KLHDC9: variants seen among roughly 807,000 people sequenced by gnomAD.
KLHDC9 encodes the protein kelch domain containing 9, also known as kelch domain-containing protein 9.
Under a neutral mutation model 31.5 loss-of-function variants are expected in KLHDC9, and 26 were observed. The observed-to-expected ratio is 0.83, with a 90% confidence interval of 0.61 to 1.15. KLHDC9 has a LOEUF of 1.15. KLHDC9 is among the 50% of genes most tolerant of loss of function. The pLI, the probability that KLHDC9 is intolerant of heterozygous loss-of-function variation, is 0.00. For missense variants in KLHDC9, 437 were observed against 467.7 expected (o/e 0.93, Z 0.61); for synonymous variants, 176 against 184.7 (o/e 0.95, Z 0.38).
chr1:161,099,352 G>GA lies in KLHDC9; in HGVS notation c.534_535insA (p.Gln179ThrfsTer38). On this transcript the variant is annotated frameshift_variant, in exon 2 of 4. Coordinates refer to ENST00000368011, the MANE Select transcript of KLHDC9 (RefSeq NM_152366.5). LOFTEE classifies it high-confidence loss of function. ...AATTTCTGCATGTCCACAGCTACAA[G>GA]CAAGAAGGCTGCCACACAGCCTCAC... The GA allele has an allele frequency of 6.2e-7, 1 of 1,614,192 alleles. No individual in the cohort carries two copies. The highest frequency in any genetic ancestry group is 8.5e-7 in the Non-Finnish European group (1 of 1,180,040).
In KLHDC9 at chr1:161,100,066, TCTC is replaced by T. The variant is rs762151809; in HGVS notation, c.898_900del (p.Pro300del). ...CCTCTGCCCGTATCCAACAGGCACA[TCTC>T]CTCCTTTGTGGTTCCACTTCCCCTG... is the stretch of plus-strand genomic sequence containing the variant. On this transcript the variant is annotated inframe_deletion, in exon 4 of 4. Transcript: ENST00000368011. The T allele has an allele frequency of 5.6e-6, 9 of 1,614,208 alleles. No homozygotes were observed. The highest frequency in any genetic ancestry group is 1.3e-5 in the African/African-American group (1 of 75,058).
rs1273661857 is a variant in KLHDC9, at chr1:161,098,962, C to T, written c.427C>T (p.Arg143Ter). 1 of 1,588,398 alleles carries T rather than the reference C, an allele frequency of 6.3e-7. No homozygotes were observed. The highest frequency in any genetic ancestry group is 8.5e-7 in the Non-Finnish European group (1 of 1,174,054). Residue 143 changes from arginine to a stop codon, truncating the protein, a stop_gained, in exon 1 of 4, where the codon CGA (arginine) becomes TGA (stop). Coordinates refer to ENST00000368011, the MANE Select transcript of KLHDC9 (RefSeq NM_152366.5). LOFTEE classifies it high-confidence loss of function. This position sits in a 1 kb window ranked among gnomAD's most constrained non-coding sequence, Gnocchi z 6.3. ...TCACACCTGCACCCGAATCTCTGAC[C>T]GAGAGCTGCAGGTGGCTGGCCGGGA... ...SSHTCTRISDRELQVAGREGG... is the reference protein window; with the variant it reads ...SSHTCTRISD
Position 161,099,050 on chromosome 1 carries a change from C to T in KLHDC9, c.515C>T (p.Ala172Val), listed in dbSNP as rs764400436. The T allele has an allele frequency of 1.3e-6, 2 of 1,596,538 alleles. No homozygotes were observed. The highest frequency in any genetic ancestry group is 1.7e-6 in the Non-Finnish European group (2 of 1,178,838). The change falls in exon 1 of 4, where the codon GCC becomes GTC. Residue 172 changes from alanine to valine, a missense_variant. Coordinates refer to ENST00000368011, the MANE Select transcript of KLHDC9 (RefSeq NM_152366.5). ...SIYTLRLDPS[A>V]RTYCYKQEGC... Reference sequence around the variant, plus strand: ...TACACATTAAGGCTGGACCCCAGCGCCCGCACCTATTGGTATGGCACCCTC... The same window carrying T: ...TACACATTAAGGCTGGACCCCAGCGTCCGCACCTATTGGTATGGCACCCTC...
rs139418163 is a variant in KLHDC9 at position 161,099,797 on chromosome 1, G to C, written c.886+1G>C. The C allele has an allele frequency of 5.9e-4, 954 of 1,612,062 alleles. No individual in the cohort carries two copies. The highest frequency in any genetic ancestry group is 9.9e-4 in the Middle Eastern group (6 of 6,054). ...AATGATCTCTACATCTATGATACTC[G>C]TGAGAGCCAGACTAATGGCTGAAGG... On this transcript the variant is annotated splice_donor_variant, in intron 3 of 3. Coordinates refer to ENST00000368011, the MANE Select transcript of KLHDC9 (RefSeq NM_152366.5). LOFTEE classifies it high-confidence loss of function.
At position 161,098,443 on chromosome 1, in the gene KLHDC9, C is replaced by A; in HGVS notation, c.-93C>A. The A allele has an allele frequency of 8.2e-7, 1 of 1,222,378 alleles. No individual in the cohort carries two copies. The highest frequency in any genetic ancestry group is 1.6e-5 in the African/African-American group (1 of 63,588). 75.7% of individuals were successfully genotyped at this position (1,222,378 alleles called of 1,614,324 possible). On this transcript the variant is annotated 5_prime_UTR_variant, in exon 1 of 4. Transcript: ENST00000368011. The surrounding 1 kb of genome is among the most constrained non-coding windows in gnomAD (Gnocchi z 6.3). ...CTGGCGTCCGGTAGGGGGAGGTTCC[C>A]GGGGAAGCCCGCGGAAGGCGAGGTG... is the stretch of plus-strand genomic sequence containing the variant.
In KLHDC9 at chr1:161,099,764, C is replaced by T. The variant is rs1654488503; in HGVS notation, c.854C>T (p.Thr285Ile). The change falls in exon 3 of 4, where the codon ACC (threonine) becomes ATC (isoleucine). Residue 285 changes from threonine (T) to isoleucine (I), a missense_variant. Physicochemically the swap from Thr to Ile is moderately conservative, Grantham distance 89 (BLOSUM62 -1). Transcript: ENST00000368011. ...GAAACTCTGACCAGAGCTAGAGACA[C>T]CATCTGCAATGATCTCTACATCTAT... is the stretch of plus-strand genomic sequence containing the variant. ...GGETLTRARD[T>I]ICNDLYIYDT... The T allele has an allele frequency of 6.2e-7, 1 of 1,613,636 alleles. No individual in the cohort carries two copies. Among genetic ancestry groups the T allele is most frequent in the Non-Finnish European group, 8.5e-7 (1 of 1,179,876 alleles).
In KLHDC9 at chr1:161,098,599, C is replaced by T. The variant is rs753499918; in HGVS notation, c.64C>T (p.Arg22Trp). 1.9e-6 allele frequency: 3 copies of T among 1,594,196 alleles called. No homozygotes were observed. Among genetic ancestry groups the T allele is most frequent in the Non-Finnish European group, 2.6e-6 (3 of 1,170,820 alleles). Residue 22 changes from arginine to tryptophan, a missense_variant, in exon 1 of 4, where the codon CGG becomes TGG. Transcript: ENST00000368011. This position sits in a 1 kb window ranked among gnomAD's most constrained non-coding sequence, Gnocchi z 6.3. The part of the protein sequence containing the change: ...GSGWAWRPVA[R>W]DALLARAFHS... ...AGGCTGGGCCTGGAGGCCAGTGGCG[C>T]GGGACGCGCTTTTGGCTAGAGCTTT...
chr1:161,098,924 C>A lies in KLHDC9; in HGVS notation c.389C>A (p.Ala130Asp). 6.4e-7 allele frequency: 1 copy of A among 1,573,184 alleles called. No individual in the cohort carries two copies. The change falls in exon 1 of 4, where the codon GCC (alanine) becomes GAC (aspartate). Residue 130 changes from alanine to aspartate, a missense_variant. Coordinates refer to ENST00000368011, the MANE Select transcript of KLHDC9 (RefSeq NM_152366.5). The surrounding 1 kb of genome is among the most constrained non-coding windows in gnomAD (Gnocchi z 6.3). ...WTGTPGDCPP[A>D]GLSSHTCTRI... ...GGGACCCCTGGTGACTGCCCCCCCG[C>A]CGGCCTCAGTAGTCACACCTGCACC...
chr1:161,100,343 T>A lies in KLHDC9; in HGVS notation c.*119T>A. The A allele has an allele frequency of 9.1e-7, 1 of 1,101,588 alleles. No homozygotes were observed. Among genetic ancestry groups the A allele is most frequent in the Non-Finnish European group, 1.3e-6 (1 of 770,806 alleles). The allele number at this position is 1,101,588 out of a possible 1,614,324, so 68.2% of individuals were successfully genotyped here. On this transcript the variant is annotated 3_prime_UTR_variant, in exon 4 of 4. Transcript: ENST00000368011. ...TGCTTATTAAATTTCAATCTGAGAC[T>A]CAAGATTTGTCTCTGAAATTTTTGG...
In KLHDC9 at chr1:161,098,836, T is replaced by G; in HGVS notation, c.301T>G (p.Ser101Ala). 1 of 1,577,332 alleles carries G rather than the reference T, an allele frequency of 6.3e-7. No individual in the cohort carries two copies. The highest frequency in any genetic ancestry group is 8.6e-7 in the Non-Finnish European group (1 of 1,161,800). ...CTGCGTGGTGGGCGGCTGGGACGGG[T>G]CTCGCCGCTTGGCCACAGTGACCGC... ...WLCVVGGWDG[S>A]RRLATVTALD... Residue 101 changes from serine to alanine, a missense_variant, in exon 1 of 4, where the codon TCT (serine) becomes GCT (alanine). By Grantham distance (99) the Ser-to-Ala change is moderately conservative. Transcript: ENST00000368011. The surrounding 1 kb of genome is among the most constrained non-coding windows in gnomAD (Gnocchi z 6.3).
chr1:161,099,254 C>T, intron 1 of KLHDC9, 92 bp from the exon 2 acceptor site: 1 of 1,482,122 alleles, frequency 6.7e-7, no homozygotes, highest in Non-Finnish European at 9.4e-7. Flanking sequence ...CCGCACTGCC[C>T]CATGCCTCTT....
Position 161,099,444 on chromosome 1 carries a change from T to C in KLHDC9, c.626T>C (p.Phe209Ser). The change falls in exon 2 of 4, where the codon TTT (phenylalanine) becomes TCT (serine). Residue 209 changes from phenylalanine to serine, a missense_variant. Phe to Ser is a radical substitution (Grantham distance 155, BLOSUM62 -2). Transcript: ENST00000368011. ...GPHPGHQLLL[F>S]GGCNLAEPEV... is the part of the protein sequence containing the mutation. Reference sequence around the variant, plus strand: ...CATCCAGGTCATCAGCTATTGCTCTTTGGAGGTTGCAACTTAGCTGAACCA... The same window carrying C: ...CATCCAGGTCATCAGCTATTGCTCTCTGGAGGTTGCAACTTAGCTGAACCA... 6.2e-7 allele frequency: 1 copy of C among 1,614,250 alleles called. No individual in the cohort carries two copies. Among genetic ancestry groups the C allele is most frequent in the Non-Finnish European group, 8.5e-7 (1 of 1,180,042 alleles).
chr1:161,099,794 C>A lies in KLHDC9; in HGVS notation c.884C>A (p.Thr295Asn). 6.2e-7 allele frequency: 1 copy of A among 1,612,024 alleles called. No individual in the cohort carries two copies. The highest frequency in any genetic ancestry group is 8.5e-7 in the Non-Finnish European group (1 of 1,178,448). Residue 295 changes from threonine to asparagine, a missense_variant and splice_region_variant, in exon 3 of 4, where the codon ACT becomes AAT. By Grantham distance (65) the Thr-to-Asn change is moderately conservative. Transcript: ENST00000368011. ...TGCAATGATCTCTACATCTATGATA[C>A]TCGTGAGAGCCAGACTAATGGCTGA... is the stretch of plus-strand genomic sequence containing the variant. ...TICNDLYIYDTRTSPPLWFHF... is the reference protein window; with the variant it reads ...TICNDLYIYDNRTSPPLWFHF...
Position 161,098,372 on chromosome 1 carries a change from T to G in KLHDC9, c.-164T>G, listed in dbSNP as rs1447925728. On this transcript the variant is annotated 5_prime_UTR_variant, in exon 1 of 4. Transcript: ENST00000368011. This position sits in a 1 kb window ranked among gnomAD's most constrained non-coding sequence, Gnocchi z 6.3. ...GCGCTGCAGCCGCTGCAGTGGTTGC[T>G]GGGCGACCACGGAGAGAAAGCCGGG... 1.6e-6 allele frequency: 1 copy of G among 629,042 alleles called. No homozygotes were observed. The highest frequency in any genetic ancestry group is 1.9e-5 in the African/African-American group (1 of 52,126). 39.0% of individuals were successfully genotyped at this position (629,042 alleles called of 1,614,324 possible).
chr1:161,099,287 C>T (rs1456079223), intron 1 of KLHDC9, 59 bp from the exon 2 acceptor site: 1 of 1,595,176 alleles, frequency 6.3e-7, no homozygotes, highest in South Asian at 1.1e-5. Flanking sequence ...TTGGCAAGGG[C>T]GGTGGCACTT....
In KLHDC9 at chr1:161,098,521, C is replaced by A. The variant is rs1451804375; in HGVS notation, c.-15C>A. 6.5e-7 allele frequency: 1 copy of A among 1,538,042 alleles called. No individual in the cohort carries two copies. The highest frequency in any genetic ancestry group is 8.8e-7 in the Non-Finnish European group (1 of 1,139,568). On this transcript the variant is annotated 5_prime_UTR_variant, in exon 1 of 4. Coordinates refer to ENST00000368011, the MANE Select transcript of KLHDC9 (RefSeq NM_152366.5). The surrounding 1 kb of genome is among the most constrained non-coding windows in gnomAD (Gnocchi z 6.3). ...CAAGCCGCAGACCCCACCGCCCTCCCTCTCCCCGGGGCCCATGGCGGTGGC... is the reference window on the plus strand; with the variant it reads ...CAAGCCGCAGACCCCACCGCCCTCCATCTCCCCGGGGCCCATGGCGGTGGC...
In KLHDC9 at chr1:161,098,479, C is replaced by A. The variant is rs1654408045; in HGVS notation, c.-57C>A. 3 of 1,435,432 alleles carry A rather than the reference C, an allele frequency of 2.1e-6. No individual in the cohort carries two copies. The highest frequency in any genetic ancestry group is 2.8e-6 in the Non-Finnish European group (3 of 1,080,284). 88.9% of individuals were successfully genotyped at this position (1,435,432 alleles called of 1,614,324 possible). A position where few individuals can be genotyped will look rare whatever the true frequency, so the allele number is the denominator to read the frequency against. ...GCGGAAGGCGAGGTGCCTGGCCTGCCATGTAGGGGCTCGTTCCAAGCCGCA... is the reference window on the plus strand; with the variant it reads ...GCGGAAGGCGAGGTGCCTGGCCTGCAATGTAGGGGCTCGTTCCAAGCCGCA... On this transcript the variant is annotated 5_prime_UTR_variant, in exon 1 of 4. Transcript: ENST00000368011. This position sits in a 1 kb window ranked among gnomAD's most constrained non-coding sequence, Gnocchi z 6.3.
chr1:161,100,276 C>A lies in KLHDC9; in HGVS notation c.*52C>A. 1 of 1,534,264 alleles carries A rather than the reference C, an allele frequency of 6.5e-7. No individual in the cohort carries two copies. The highest frequency in any genetic ancestry group is 2.3e-5 in the East Asian group (1 of 44,182). On this transcript the variant is annotated 3_prime_UTR_variant, in exon 4 of 4. Coordinates refer to ENST00000368011, the MANE Select transcript of KLHDC9 (RefSeq NM_152366.5). ...TCGTTTTGTTTTGCTTTGTTGCAAA[C>A]CTATAAAGCGTTATCACCAGAGCTA...
Position 161,098,833 on chromosome 1 carries a change from G to A in KLHDC9, c.298G>A (p.Gly100Arg), listed in dbSNP as rs748583857. Reference sequence around the variant, plus strand: ...GCTCTGCGTGGTGGGCGGCTGGGACGGGTCTCGCCGCTTGGCCACAGTGAC... The same window carrying A: ...GCTCTGCGTGGTGGGCGGCTGGGACAGGTCTCGCCGCTTGGCCACAGTGAC... ...RWLCVVGGWD[G>R]SRRLATVTAL... Residue 100 changes from glycine (G) to arginine (R), a missense_variant, in exon 1 of 4, where the codon GGG becomes AGG. Coordinates refer to ENST00000368011, the MANE Select transcript of KLHDC9 (RefSeq NM_152366.5). The surrounding 1 kb of genome is among the most constrained non-coding windows in gnomAD (Gnocchi z 6.3). 9 of 1,578,198 alleles carry A rather than the reference G, an allele frequency of 5.7e-6. No homozygotes were observed. The highest frequency in any genetic ancestry group is 1.8e-5 in the Admixed American group (1 of 54,790).
Sources: allele counts gnomAD v4.1 joint callset, GRCh38; gene constraint gnomAD v4.1.1; non-coding constraint Gnocchi (gnomAD v3.1); transcripts MANE v1.5; gene names NCBI Gene and HGNC (gene_info 2026-07-23, HGNC 2026-07-21).